C2CD5: variants seen among roughly 807,000 people sequenced by gnomAD.
C2CD5 encodes the protein C2 domain-containing protein 5.
A neutral mutation model predicts 130.3 loss-of-function variants in C2CD5; 109 were observed. The ratio of observed to expected loss-of-function variants is 0.84; its 90% confidence interval spans 0.72 to 0.98. The LOEUF is 0.98. C2CD5 is among the 50% of genes least tolerant of loss of function. C2CD5 has a pLI of 0.00. For synonymous variants in C2CD5, 454 were observed against 429.2 expected (o/e 1.06, Z -0.71); for missense variants, 996 against 1,261.8 (o/e 0.79, Z 3.19).
chr12:22,483,920 A>G (rs529782297), intron 13 of C2CD5, among the ~76,000 whole-genome samples: 11 of 152,310 alleles, frequency 7.2e-5, no homozygotes, highest in Non-Finnish European at 7.4e-5. Context: ...GTAGACAGGT[A>G]TAAGTCTAAA....
In C2CD5 at chr12:22,518,010, C is replaced by A. The variant is rs968170752; in HGVS notation, c.928G>T (p.Asp310Tyr). 4 of 1,613,184 alleles carry A rather than the reference C, an allele frequency of 2.5e-6. No individual in the cohort carries two copies. The highest frequency in any genetic ancestry group is 2.7e-5 in the African/African-American group (2 of 74,848). Residue 310 changes from aspartate to tyrosine, a missense_variant, in exon 8 of 27, where the codon GAT (aspartate) becomes TAT (tyrosine). Asp to Tyr is a radical substitution (Grantham distance 160). Around this residue, in one of 9 missense-constraint regions of C2CD5, gnomAD observed 156 missense variants for 165.9 expected, o/e 0.94. Transcript: ENST00000446597. ...CCAGTTTTGGGTGTCAAACTCAAAT[C>A]TGTGTCAGAAGAAGAGGACTGTCGA... Reference protein sequence around the residue: ...YSRQSSSSDTDLSLTPKTGMG... With the variant: ...YSRQSSSSDTYLSLTPKTGMG...
In C2CD5 at chr12:22,449,027, T is replaced by C. The variant is rs1937982060; in HGVS notation, c.*733A>G. ...AAATTCACTGACATTTTTATCCCAGTTGAAGTCAAGCCTCTTTTAGACAAA... is the reference window on the plus strand; with the variant it reads ...AAATTCACTGACATTTTTATCCCAGCTGAAGTCAAGCCTCTTTTAGACAAA... On this transcript the variant is annotated 3_prime_UTR_variant, in exon 27 of 27. Coordinates refer to ENST00000446597, the MANE Select transcript of C2CD5 (RefSeq NM_001286176.2). 1.3e-5 allele frequency: 2 copies of C among 152,300 alleles called. No homozygotes were observed. The highest frequency in any genetic ancestry group is 4.1e-4 in the South Asian group (2 of 4,830). The allele number at this position is 152,300 out of a possible 1,614,324, so 9.4% of individuals were successfully genotyped here.
chr12:22,464,286 G>A (rs540150438), intron 22 of C2CD5, among the ~76,000 whole-genome samples: 15 of 152,220 alleles, frequency 9.9e-5, no homozygotes, highest in African/African-American at 3.4e-4. Context: ...AAAGGTGTAC[G>A]ACATTCTAAA....
chr12:22,479,595 G>C (rs1016087239), intron 14 of C2CD5, among the ~76,000 whole-genome samples: 3 of 152,134 alleles, frequency 2.0e-5, no homozygotes, highest in African/African-American at 7.2e-5. Context: ...TCTGAACTGA[G>C]TGTTTCTCAC....
chr12:22,544,265 A>AGCGCGCGGGG (rs1241020784), intron 1 of C2CD5, 55 bp downstream of exon 1: 39 of 994,714 alleles, frequency 3.9e-5, no homozygotes, highest in African/African-American at 1.0e-4. Context: ...ACAGCGAAGG[A>AGCGCGCGGGG]GCGCGCGGGG....
chr12:22,530,206 G>C (rs1951137709), intron 3 of C2CD5, among the ~76,000 whole-genome samples: 2 of 135,200 alleles, frequency 1.5e-5, no homozygotes, highest in East Asian at 2.1e-4. Flanking sequence ...TATATATACA[G>C]TATATATATA....
chr12:22,510,890 A>T (rs927713783), intron 9 of C2CD5, among the ~76,000 whole-genome samples: 1 of 152,172 alleles, frequency 6.6e-6, no homozygotes, highest in Non-Finnish European at 1.5e-5. Flanking sequence ...CAGCACTCTA[A>T]AAGGCTGAGA....
chr12:22,544,357 G>T lies in C2CD5; in HGVS notation c.-67C>A. On this transcript the variant is annotated 5_prime_UTR_variant, in exon 1 of 27. Transcript: ENST00000446597. ...AAGGGTGCTGTCCCGCGCGGGTGCT[G>T]AGACCTCATTCCGGAGAGGCGGCGG... 2.1e-6 allele frequency: 1 copy of T among 469,436 alleles called. No individual in the cohort carries two copies. Among genetic ancestry groups the T allele is most frequent in the Non-Finnish European group, 3.7e-6 (1 of 267,746 alleles). The allele number at this position is 469,436 out of a possible 1,614,324, so 29.1% of individuals were successfully genotyped here.
intron 6 of C2CD5, 73 bp downstream of exon 6, chr12:22,524,399 G>C (rs1003626439): frequency 8.3e-7 from 1 of 1,210,332 alleles, no homozygotes; most frequent in Non-Finnish European, 1.2e-6. Flanking sequence ...AGTTGAGGTA[G>C]CATGTCAAAG....
chr12:22,485,793 AAAAAT>A (rs1945411625), intron 12 of C2CD5, among the ~76,000 whole-genome samples: 1 of 152,152 alleles, frequency 6.6e-6, no homozygotes, highest in East Asian at 1.9e-4. Flanking sequence ...CATAAGGCAT[AAAAAT>A]AAAAGTATTA....
At chr12:22,484,014 GGA>G (rs1171731746) in intron 13 of C2CD5, among the ~76,000 whole-genome samples, 1 of 152,126 alleles carries the variant, frequency 6.6e-6, no homozygotes, top group African/African-American at 2.4e-5. Context: ...GTTCAACTAA[GGA>G]GAGAGCTTTG....
At chr12:22,467,962 T>C (rs1942366270) in intron 22 of C2CD5, among the ~76,000 whole-genome samples, 1 of 152,040 alleles carries the variant, frequency 6.6e-6, no homozygotes, top group Admixed American at 6.6e-5. Flanking sequence ...CAGAATTCAG[T>C]AGGTATTAAC....
intron 14 of C2CD5, among the ~76,000 whole-genome samples, chr12:22,482,127 G>C (rs563337893): frequency 1.7e-4 from 26 of 152,224 alleles, no homozygotes; most frequent in African/African-American, 6.0e-4. Flanking sequence ...AGACATTCTT[G>C]TGTGTCACAA....
Position 22,459,513 on chromosome 12 carries a change from C to G in C2CD5, c.2563G>C (p.Gly855Arg). The G allele has an allele frequency of 6.5e-7, 1 of 1,532,776 alleles. No individual in the cohort carries two copies. Among genetic ancestry groups the G allele is most frequent in the Non-Finnish European group, 8.7e-7 (1 of 1,144,066 alleles). 94.9% of individuals were successfully genotyped at this position (1,532,776 alleles called of 1,614,324 possible). A position where few individuals can be genotyped will look rare whatever the true frequency, so the allele number is the denominator to read the frequency against. ...TCACCTCTCTGTGCAGCTGGTATAC[C>G]TGAGTTAGAACTTGCACTCTCCAGG... is the stretch of plus-strand genomic sequence containing the variant. Reference protein sequence around the residue: ...EHLESASSNSGIPAAQRATSV... With the variant: ...EHLESASSNSRIPAAQRATSV... Residue 855 changes from glycine (G) to arginine (R), a missense_variant, in exon 23 of 27, where the codon GGT (glycine) becomes CGT (arginine). Gly to Arg is a moderately radical substitution (Grantham distance 125, BLOSUM62 -2). Transcript: ENST00000446597.
In C2CD5 at chr12:22,512,070, T is replaced by C. The variant is rs148181001; in HGVS notation, c.1038+1224A>G. Among the ~76,000 whole-genome samples the C allele has an allele frequency of 3.4e-3, 515 of 152,318 alleles. 1 individual carries two copies. Among genetic ancestry groups the C allele is most frequent in the Middle Eastern group, 0.017 (5 of 294 alleles). ...GGGCCTTTTGGTGGCAGTTGTAGGT[T>C]TGCCTGCAAGGTGCGAGAGTAGTTG... On this transcript the variant is annotated intron_variant, in intron 9 of 26. Coordinates refer to ENST00000446597, the MANE Select transcript of C2CD5 (RefSeq NM_001286176.2).
At chr12:22,474,257 A>C (rs186068171) in intron 16 of C2CD5, among the ~76,000 whole-genome samples, 1 of 152,240 alleles carries the variant, frequency 6.6e-6, no homozygotes, top group East Asian at 1.9e-4. Flanking sequence ...TAAACTTTTC[A>C]TGTGACATTT....
At chr12:22,465,629 C>T (rs1056803179) in intron 22 of C2CD5, among the ~76,000 whole-genome samples, 1 of 151,978 alleles carries the variant, frequency 6.6e-6, no homozygotes, top group African/African-American at 2.4e-5. Flanking sequence ...CAGACCTCAA[C>T]CCAGATTCCC....
At chr12:22,513,906 T>C (rs1949451343) in intron 8 of C2CD5, among the ~76,000 whole-genome samples, 1 of 152,058 alleles carries the variant, frequency 6.6e-6, no homozygotes, top group Non-Finnish European at 1.5e-5. Context: ...TCTAAACATA[T>C]CATGACAAAA....
chr12:22,517,367 A>C (rs1222976838), intron 8 of C2CD5, among the ~76,000 whole-genome samples: 1 of 151,900 alleles, frequency 6.6e-6, no homozygotes, highest in Non-Finnish European at 1.5e-5. Context: ...ATTTTTCATC[A>C]ACTTTTTATC....
Sources: allele counts gnomAD v4.1 joint callset (sites outside exome capture counted in the v4.1 genomes callset), GRCh38; gene constraint gnomAD v4.1.1; regional missense constraint gnomAD v4.1.1; transcripts MANE v1.5; gene names NCBI Gene and HGNC (gene_info 2026-07-23, HGNC 2026-07-21).